Variants in TMT1B observed in about 807,000 individuals in gnomAD.
The protein encoded by TMT1B is thiol methyltransferase 1B, also known as thiol S-methyltransferase TMT1B.
the TMT1B span, chr12:55,682,083 G>A: frequency 1.7e-5 from 27 of 1,614,230 alleles, no homozygotes; most frequent in South Asian, 2.7e-4. Flanking sequence ...CTGACAAAGA[G>A]CATGGCTGAG....
chr12:55,681,955 A>G, the TMT1B span: 2 of 1,614,198 alleles, frequency 1.2e-6, no homozygotes, highest in Non-Finnish European at 1.7e-6. Flanking sequence ...GGCTTACAGG[A>G]GCCTCCGGGA....
chr12:55,684,169 A>G, the TMT1B span: 7 of 921,168 alleles, frequency 7.6e-6, no homozygotes, highest in South Asian at 9.3e-5. Flanking sequence ...GAAGACATTC[A>G]TGTACCACCT....
the TMT1B span, chr12:55,683,854 T>C: frequency 6.2e-6 from 10 of 1,613,966 alleles, no homozygotes; most frequent in South Asian, 7.7e-5. Context: ...CAGAACCATA[T>C]GGAAGCTGGG....
chr12:55,684,147 A>C, the TMT1B span: 1 of 1,123,640 alleles, frequency 8.9e-7, no homozygotes, highest in Admixed American at 1.9e-5. Flanking sequence ...AGAGGGACCT[A>C]GCAGAATGAG....
the TMT1B span, among the ~76,000 whole-genome samples, chr12:55,683,649 CG>C: frequency 6.6e-6 from 1 of 152,206 alleles, no homozygotes; most frequent in East Asian, 1.9e-4. Flanking sequence ...ACTTTGAAGG[CG>C]GTAGCAGGGG....
chr12:55,683,634 C>T, the TMT1B span, among the ~76,000 whole-genome samples: 96,569 of 152,064 alleles, frequency 0.64, 31,265 homozygotes, highest in East Asian at 0.94. Flanking sequence ...AGGTTCTTCA[C>T]ATGCACTTTG....
chr12:55,683,824 C>T, the TMT1B span: 5 of 1,613,942 alleles, frequency 3.1e-6, no homozygotes, highest in Non-Finnish European at 4.2e-6. Context: ...GAGGTGTGCT[C>T]TTTTTCTGGG....
chr12:55,682,607 C>CA, the TMT1B span, among the ~76,000 whole-genome samples: 821 of 104,144 alleles, frequency 7.9e-3, 8 homozygotes, highest in Admixed American at 0.029. Flanking sequence ...GCCGTCTCTA[C>CA]AAAAAAAAAA....
chr12:55,683,899 G>C, the TMT1B span: 4 of 1,614,122 alleles, frequency 2.5e-6, no homozygotes, highest in Non-Finnish European at 3.4e-6. Context: ...AGCCCACCTG[G>C]AAACACATTG....
the TMT1B span, among the ~76,000 whole-genome samples, chr12:55,683,000 G>A: frequency 5.3e-5 from 8 of 152,114 alleles, no homozygotes; most frequent in African/African-American, 1.9e-4. Context: ...AGTGCCATTT[G>A]CTGAGATGGA....
the TMT1B span, chr12:55,682,311 A>G: frequency 3.9e-6 from 6 of 1,548,772 alleles, no homozygotes; most frequent in East Asian, 2.3e-5. Context: ...CAGCCGCCCC[A>G]GGGTTCGGCC....
chr12:55,682,600 G>A, the TMT1B span, among the ~76,000 whole-genome samples: 556 of 102,472 alleles, frequency 5.4e-3, 3 homozygotes, highest in Non-Finnish European at 7.3e-3. Context: ...GTGAGATGCC[G>A]TCTCTACAAA....
At chr12:55,682,396 G>C in the TMT1B span, 1 of 788,332 alleles carries the variant, frequency 1.3e-6, no homozygotes. Flanking sequence ...GTGAATAGGA[G>C]ACATGACCAG....
chr12:55,681,846 T>C, the TMT1B span: 4 of 1,578,538 alleles, frequency 2.5e-6, no homozygotes, highest in Non-Finnish European at 3.4e-6. Flanking sequence ...TGGCAGCCCC[T>C]GTGCAAAAGC....
At chr12:55,681,771 C>T in the TMT1B span, 10 of 1,550,952 alleles carry the variant, frequency 6.4e-6, no homozygotes, top group Middle Eastern at 3.3e-4. Context: ...ATCCTGGTCC[C>T]ACTCCTGCAG....
At chr12:55,684,602 A>C in the TMT1B span, 1 of 173,518 alleles carries the variant, frequency 5.8e-6, no homozygotes, top group East Asian at 1.6e-4. Context: ...AAATAGACGA[A>C]ACCACGAAAC....
the TMT1B span, among the ~76,000 whole-genome samples, chr12:55,682,805 AAAAAG>A: frequency 7.4e-5 from 4 of 54,252 alleles, no homozygotes; most frequent in African/African-American, 3.9e-4. Flanking sequence ...ATAAATAAAT[AAAAAG>A]AGAGAGAGAG....
the TMT1B span, among the ~76,000 whole-genome samples, chr12:55,682,413 G>A: frequency 6.6e-6 from 1 of 152,090 alleles, no homozygotes; most frequent in Admixed American, 6.5e-5. Flanking sequence ...CCAGTGCCAT[G>A]ACGGGGCACA....
At chr12:55,683,709 C>A in the TMT1B span, 1 of 1,146,558 alleles carries the variant, frequency 8.7e-7, no homozygotes, top group Non-Finnish European at 1.3e-6. Context: ...AACTCTCAGA[C>A]CAGCAGCTCC....
Sources: gnomAD v4.1 joint callset for allele counts (sites outside exome capture counted in the v4.1 genomes callset) on GRCh38, gnomAD v4.1.1 for gene constraint, MANE v1.5 for transcripts, NCBI Gene and HGNC (gene_info 2026-07-23, HGNC 2026-07-21) for gene names.